PGAP3: variants seen among roughly 807,000 people sequenced by gnomAD.
PGAP3 encodes the protein post-GPI attachment to proteins phospholipase 3.
Under a neutral mutation model 40.3 loss-of-function variants are expected in PGAP3, and 31 were observed. The ratio of observed to expected loss-of-function variants is 0.77; its 90% confidence interval spans 0.58 to 1.04. The LOEUF (loss-of-function observed/expected upper bound fraction) is 1.04. Among genes scored for constraint, PGAP3 ranks in the 50% least tolerant of loss-of-function variants. The pLI is 0.00. For synonymous variants in PGAP3, 191 were observed against 184.5 expected, an observed-to-expected ratio of 1.04 and a Z score of -0.29; for missense variants, 413 against 423.0, an observed-to-expected ratio of 0.98 and a Z score of 0.21.
chr17:39,687,044 C>T lies in PGAP3; in HGVS notation c.181+790G>A, dbSNP rs372308967. ...TCACTACTCCTGTTCATGTACCCTG[C>T]TCCCTGAGTAAATAAAGCTCCTGGA... On this transcript the variant is annotated intron_variant, in intron 1 of 7. Coordinates refer to ENST00000300658, the MANE Select transcript of PGAP3 (RefSeq NM_033419.5). Among the ~76,000 whole-genome samples the T allele has an allele frequency of 3.8e-3, 580 of 152,282 alleles. 3 individuals carry two copies. The highest frequency in any genetic ancestry group is 0.014 in the African/African-American group (562 of 41,554).
At chr17:39,682,213 G>A (rs1412848522) in intron 3 of PGAP3, among the ~76,000 whole-genome samples, 6 of 99,404 alleles carry the variant, frequency 6.0e-5, no homozygotes, top group South Asian at 4.0e-4. Flanking sequence ...GTGACAGAGT[G>A]AGACTCTGTC....
At chr17:39,681,797 C>T (rs988525578) in intron 3 of PGAP3, among the ~76,000 whole-genome samples, 4 of 151,988 alleles carry the variant, frequency 2.6e-5, no homozygotes, top group Non-Finnish European at 4.4e-5. Context: ...CCTGAGCCAC[C>T]GCACTTGATC....
chr17:39,682,714 A>G (rs2057458083), intron 3 of PGAP3, among the ~76,000 whole-genome samples: 1 of 152,142 alleles, frequency 6.6e-6, no homozygotes, highest in Non-Finnish European at 1.5e-5. Context: ...TTCTCTACAC[A>G]GTAGCCAGAA....
chr17:39,684,217 G>A (rs2057478954), intron 3 of PGAP3, among the ~76,000 whole-genome samples: 1 of 149,054 alleles, frequency 6.7e-6, no homozygotes, highest in Admixed American at 6.7e-5. Context: ...GGCTGGAATT[G>A]AGATTGCTCC....
In PGAP3 at chr17:39,687,868, G is replaced by C; in HGVS notation, c.147C>G (p.Phe49Leu). Residue 49 changes from phenylalanine to leucine, a missense_variant, in exon 1 of 8, where the codon TTC (phenylalanine) becomes TTG (leucine). Physicochemically the swap from Phe to Leu is conservative, Grantham distance 22. Transcript: ENST00000300658. ...QNCSGGALNH[F>L]RSRQPIYMSL... ...TCATGTAGATTGGCTGGCGGGAGCG[G>C]AAGTGATTCAGAGCGCCCCCAGAGC... The C allele has an allele frequency of 6.7e-7, 1 of 1,500,188 alleles. No individual in the cohort carries two copies. Among genetic ancestry groups the C allele is most frequent in the Non-Finnish European group, 9.0e-7 (1 of 1,111,220 alleles). The allele number at this position is 1,500,188 out of a possible 1,614,324, so 92.9% of individuals were successfully genotyped here. A position where few individuals can be genotyped will look rare whatever the true frequency, so the allele number is the denominator to read the frequency against.
chr17:39,682,455 C>T (rs2057454345), intron 3 of PGAP3, among the ~76,000 whole-genome samples: 1 of 152,054 alleles, frequency 6.6e-6, no homozygotes, highest in South Asian at 2.1e-4. Flanking sequence ...TCTTTTGCCA[C>T]TTGTTATGGA....
intron 2 of PGAP3, 71 bp from the exon 3 acceptor site, chr17:39,684,820 G>T: frequency 6.8e-7 from 1 of 1,464,148 alleles, no homozygotes; most frequent in South Asian, 1.4e-5. Flanking sequence ...ACCTATTCTT[G>T]ACATGCTGAA....
In PGAP3 at chr17:39,672,643, G is replaced by A. The variant is rs1176494704; in HGVS notation, c.*160C>T. 2 of 754,608 alleles carry A rather than the reference G, an allele frequency of 2.7e-6. No homozygotes were observed. The highest frequency in any genetic ancestry group is 1.7e-5 in the African/African-American group (1 of 58,066). The allele number at this position is 754,608 out of a possible 1,614,324, so 46.7% of individuals were successfully genotyped here. On this transcript the variant is annotated 3_prime_UTR_variant, in exon 8 of 8. Coordinates refer to ENST00000300658, the MANE Select transcript of PGAP3 (RefSeq NM_033419.5). Reference sequence around the variant, plus strand: ...AGAACAGACTCCAAGGCTGGTGAGGGCCAACAGGGGGTGGGCTGGCCACAT... The same window carrying A: ...AGAACAGACTCCAAGGCTGGTGAGGACCAACAGGGGGTGGGCTGGCCACAT...
At chr17:39,678,280 T>C (rs1227359622) in intron 3 of PGAP3, among the ~76,000 whole-genome samples, 1 of 152,188 alleles carries the variant, frequency 6.6e-6, no homozygotes, top group East Asian at 1.9e-4. Context: ...CAAACCACTC[T>C]ACAGAGATGG....
At chr17:39,680,180 T>G (rs1023106843) in intron 3 of PGAP3, among the ~76,000 whole-genome samples, 1 of 152,174 alleles carries the variant, frequency 6.6e-6, no homozygotes, top group Non-Finnish European at 1.5e-5. Flanking sequence ...CGGAGTGGCC[T>G]AGAAGAAGAG....
At chr17:39,673,486 A>T in intron 6 of PGAP3, 28 bp downstream of exon 6, 14 of 1,613,792 alleles carry the variant, frequency 8.7e-6, no homozygotes, top group Non-Finnish European at 1.1e-5. Flanking sequence ...GCACTTCTGC[A>T]GATGGCCCAA....
intron 3 of PGAP3, among the ~76,000 whole-genome samples, chr17:39,682,261 A>AAAAAC (rs2057451583): frequency 7.0e-6 from 1 of 142,612 alleles, no homozygotes; most frequent in African/African-American, 2.5e-5. Flanking sequence ...AAAAAAAAAA[A>AAAAAC]TCTGATGTTA....
At position 39,673,274 on chromosome 17, in the gene PGAP3, A is replaced by T; in HGVS notation, c.695-19T>A. On this transcript the variant is annotated intron_variant, in intron 6 of 7. Coordinates refer to ENST00000300658, the MANE Select transcript of PGAP3 (RefSeq NM_033419.5). ...ACCAGGCCTGGGTGCCAGTGGGGGC[A>T]GGAGAGACTCATTCCTTCGGCTCCT... The T allele has an allele frequency of 6.4e-7, 1 of 1,555,658 alleles. No individual in the cohort carries two copies. The highest frequency in any genetic ancestry group is 8.7e-7 in the Non-Finnish European group (1 of 1,150,164).
At chr17:39,682,836 TGGGA>T (rs997102229) in intron 3 of PGAP3, among the ~76,000 whole-genome samples, 1 of 152,040 alleles carries the variant, frequency 6.6e-6, no homozygotes, top group African/African-American at 2.4e-5. Context: ...CCCAGCACTT[TGGGA>T]GGGTGAGGTG....
At chr17:39,678,933 A>G (rs2057406980) in intron 3 of PGAP3, among the ~76,000 whole-genome samples, 1 of 151,966 alleles carries the variant, frequency 6.6e-6, no homozygotes. Context: ...CCCAACATCT[A>G]ACATCTCCTG....
chr17:39,681,577 C>T (rs996084088), intron 3 of PGAP3, among the ~76,000 whole-genome samples: 4 of 152,200 alleles, frequency 2.6e-5, no homozygotes, highest in African/African-American at 7.2e-5. Flanking sequence ...GGCGTGATCT[C>T]AGCTCACCGC....
At chr17:39,673,721 C>G in intron 5 of PGAP3, 71 bp from the exon 6 acceptor site, 1 of 1,585,742 alleles carries the variant, frequency 6.3e-7, no homozygotes, top group East Asian at 2.2e-5. Flanking sequence ...TGAAGCATCT[C>G]CTCCCCCCAA....
rs967332836 is a variant in PGAP3, at chr17:39,672,642, G to A, written c.*161C>T. 16 of 748,296 alleles carry A rather than the reference G, an allele frequency of 2.1e-5. No individual in the cohort carries two copies. Among genetic ancestry groups the A allele is most frequent in the Non-Finnish European group, 3.3e-5 (15 of 448,654 alleles). 46.4% of individuals were successfully genotyped at this position (748,296 alleles called of 1,614,324 possible). ...TAGAACAGACTCCAAGGCTGGTGAG[G>A]GCCAACAGGGGGTGGGCTGGCCACA... On this transcript the variant is annotated 3_prime_UTR_variant, in exon 8 of 8. Transcript: ENST00000300658.
intron 3 of PGAP3, among the ~76,000 whole-genome samples, chr17:39,681,904 T>C (rs2057444776): frequency 6.6e-6 from 1 of 151,910 alleles, no homozygotes; most frequent in Admixed American, 6.6e-5. Flanking sequence ...GGAAGTCTCC[T>C]CTGCTTTAAC....
Sources: allele counts gnomAD v4.1 joint callset (sites outside exome capture counted in the v4.1 genomes callset), GRCh38; gene constraint gnomAD v4.1.1; transcripts MANE v1.5; gene names NCBI Gene and HGNC (gene_info 2026-07-23, HGNC 2026-07-21).